Variants in AGAP1 observed in about 807,000 individuals in gnomAD.
AGAP1 encodes the protein ArfGAP with GTPase domain, ankyrin repeat and PH domain 1.
A neutral mutation model predicts 105.3 loss-of-function variants in AGAP1; 29 were observed. That is an observed-to-expected ratio of 0.28 (90% CI 0.21 to 0.38). The LOEUF is 0.38. Ranked by LOEUF, AGAP1 falls within the 10% of genes least tolerant of loss-of-function variation. The pLI, the probability that AGAP1 is intolerant of heterozygous loss-of-function variation, is 1.00. For synonymous variants in AGAP1, 509 were observed against 485.9 expected (o/e 1.05, Z -0.63); for missense variants, 998 against 1,165.1 (o/e 0.86, Z 2.09).
At position 235,797,762 on chromosome 2, in the gene AGAP1, C is replaced by T. The variant is rs1957308891; in HGVS notation, c.677C>T (p.Ala226Val). 1.2e-6 allele frequency: 2 copies of T among 1,614,148 alleles called. No homozygotes were observed. The highest frequency in any genetic ancestry group is 1.1e-5 in the South Asian group (1 of 91,072). ...LNVERVFQDV[A>V]QKIVATRKKQ... The stretch of plus-strand genomic sequence containing the variant: ...TTTTTGTCTGTGTGTCCACCAGTTG[C>T]CCAGAAGATTGTTGCCACAAGGAAG... The change falls in exon 7 of 18, where the codon GCC (alanine) becomes GTC (valine). Residue 226 changes from alanine (A) to valine (V), a missense_variant. Physicochemically the swap from Ala to Val is moderately conservative, Grantham distance 64. Transcript: ENST00000304032.
At chr2:235,929,215 C>T (rs752288908) in intron 11 of AGAP1, among the ~76,000 whole-genome samples, 5 of 152,116 alleles carry the variant, frequency 3.3e-5, no homozygotes, top group African/African-American at 1.2e-4. Context: ...ATGGTGGTGA[C>T]TTTCTGGCTG....
At chr2:236,117,770 G>GT (rs1179991336) in intron 16 of AGAP1, among the ~76,000 whole-genome samples, 4 of 152,164 alleles carry the variant, frequency 2.6e-5, no homozygotes, top group Non-Finnish European at 4.4e-5. Context: ...ATCAACAAAC[G>GT]TTTAATACAT....
intron 1 of AGAP1, among the ~76,000 whole-genome samples, chr2:235,697,351 G>T (rs1243119543): frequency 6.6e-6 from 1 of 152,182 alleles, no homozygotes; most frequent in East Asian, 1.9e-4. Context: ...TAGCTGTGTT[G>T]GGTGTACATG....
At position 235,611,393 on chromosome 2, in the gene AGAP1, G is replaced by C. The variant is rs1946119624; in HGVS notation, c.164-97786G>C. Among the ~76,000 whole-genome samples, 1 of 152,234 alleles carries C rather than the reference G, an allele frequency of 6.6e-6. No individual in the cohort carries two copies. Among genetic ancestry groups the C allele is most frequent in the East Asian group, 1.9e-4 (1 of 5,194 alleles). On this transcript the variant is annotated intron_variant, in intron 1 of 17. Coordinates refer to ENST00000304032, the MANE Select transcript of AGAP1 (RefSeq NM_001037131.3). This position sits in a 1 kb window ranked among gnomAD's most constrained non-coding sequence, Gnocchi z 5.0. ...ATTCAAGGTCATGGCCATCCTCAATGCAGCCTTCATATTTTCATAATGAAT... is the reference window on the plus strand; with the variant it reads ...ATTCAAGGTCATGGCCATCCTCAATCCAGCCTTCATATTTTCATAATGAAT...
At position 235,599,584 on chromosome 2, in the gene AGAP1, G is replaced by GAGAACTGCAC. The variant is rs1553577279; in HGVS notation, c.163+104743_163+104744insACAGAACTGC. On this transcript the variant is annotated intron_variant, in intron 1 of 17. Coordinates refer to ENST00000304032, the MANE Select transcript of AGAP1 (RefSeq NM_001037131.3). The surrounding 1 kb of genome is among the most constrained non-coding windows in gnomAD (Gnocchi z 5.3). ...TGTCCAGAATGGTCACTCTGCTTTGGAGAACTGCGGATCCCCTGCCATGGC... is the reference window on the plus strand; with the variant it reads ...TGTCCAGAATGGTCACTCTGCTTTGGAGAACTGCACAGAACTGCGGATCCCCTGCCATGGC... Among the ~76,000 whole-genome samples, 2 of 151,478 alleles carry GAGAACTGCAC rather than the reference G, an allele frequency of 1.3e-5. No homozygotes were observed. The highest frequency in any genetic ancestry group is 1.9e-4 in the East Asian group (1 of 5,148).
Position 235,965,404 on chromosome 2 carries a change from C to T in AGAP1, c.1484-3058C>T, listed in dbSNP as rs1355864787. Among the ~76,000 whole-genome samples, 3 of 152,144 alleles carry T rather than the reference C, an allele frequency of 2.0e-5. No individual in the cohort carries two copies. Among genetic ancestry groups the T allele is most frequent in the Non-Finnish European group, 4.4e-5 (3 of 68,036 alleles). ...AGTCTTACGGGGGCGAAGGAAGGCA[C>T]AGTGAAACAGTGTGCCGTTTTGAAG... On this transcript the variant is annotated intron_variant, in intron 12 of 17. Coordinates refer to ENST00000304032, the MANE Select transcript of AGAP1 (RefSeq NM_001037131.3). The surrounding 1 kb of genome is among the most constrained non-coding windows in gnomAD (Gnocchi z 5.8).
Position 235,655,335 on chromosome 2 carries a change from G to A in AGAP1, c.164-53844G>A, listed in dbSNP as rs977774542. On this transcript the variant is annotated intron_variant, in intron 1 of 17. Transcript: ENST00000304032. This position sits in a 1 kb window ranked among gnomAD's most constrained non-coding sequence, Gnocchi z 4.3. ...TGGTGTGTATTAATAAATTGAGTAG[G>A]TGAAAAAGACAATAGATGGAAAGCT... 6.6e-6 allele frequency among the ~76,000 whole-genome samples: 1 copy of A among 152,120 alleles called. No individual in the cohort carries two copies. Among genetic ancestry groups the A allele is most frequent in the Non-Finnish European group, 1.5e-5 (1 of 68,036 alleles).
rs1381467866 is a variant in AGAP1 at position 235,843,184 on chromosome 2, C to T, written c.1050+35853C>T. Among the ~76,000 whole-genome samples the T allele has an allele frequency of 6.6e-6, 1 of 151,044 alleles. No homozygotes were observed. Among genetic ancestry groups the T allele is most frequent in the East Asian group, 2.0e-4 (1 of 4,992 alleles). ...GTTCATCCCTGCAGGCTCCCTGTAC[C>T]CCCAGCTCCCAGAACCCATCACCAG... On this transcript the variant is annotated intron_variant, in intron 9 of 17. Coordinates refer to ENST00000304032, the MANE Select transcript of AGAP1 (RefSeq NM_001037131.3). This position sits in a 1 kb window ranked among gnomAD's most constrained non-coding sequence, Gnocchi z 5.9.
intron 1 of AGAP1, among the ~76,000 whole-genome samples, chr2:235,702,746 TA>T (rs1423051390): frequency 3.3e-5 from 5 of 152,002 alleles, no homozygotes; most frequent in Admixed American, 1.3e-4. Context: ...CAGCAGCGAG[TA>T]CAAGTAGCAC....
intron 1 of AGAP1, among the ~76,000 whole-genome samples, chr2:235,645,714 G>A (rs781036875): frequency 6.6e-6 from 1 of 152,128 alleles, no homozygotes; most frequent in Non-Finnish European, 1.5e-5. Flanking sequence ...AGACAAGGTC[G>A]GCCTGAGTGT....
chr2:235,512,636 C>A (rs1942198248), intron 1 of AGAP1, among the ~76,000 whole-genome samples: 1 of 152,168 alleles, frequency 6.6e-6, no homozygotes, highest in African/African-American at 2.4e-5. Flanking sequence ...CATGCGCGTC[C>A]TCCCCCATTC....
At chr2:235,649,408 C>T (rs959477005) in intron 1 of AGAP1, among the ~76,000 whole-genome samples, 1 of 152,220 alleles carries the variant, frequency 6.6e-6, no homozygotes, top group African/African-American at 2.4e-5. Flanking sequence ...GATTCTCACT[C>T]TACTGCTCAG....
At chr2:235,895,172 G>C (rs866925051) in intron 10 of AGAP1, among the ~76,000 whole-genome samples, 1 of 152,220 alleles carries the variant, frequency 6.6e-6, no homozygotes, top group African/African-American at 2.4e-5. Context: ...CCTGTAGGCT[G>C]TATGAAGAAT....
At chr2:235,806,761 A>T (rs2150089338) in intron 8 of AGAP1, among the ~76,000 whole-genome samples, 1 of 152,356 alleles carries the variant, frequency 6.6e-6, no homozygotes, top group Admixed American at 6.5e-5. Flanking sequence ...CAGCACCTTG[A>T]TACTAATCAA....
In AGAP1 at chr2:235,622,622, A is replaced by T. The variant is rs1946521014; in HGVS notation, c.164-86557A>T. ...GCTTCAGCCAACGTCGGTTTTGAGA[A>T]TGCGACCTATGAAATTGGGAGCCCT... On this transcript the variant is annotated intron_variant, in intron 1 of 17. Transcript: ENST00000304032. This position sits in a 1 kb window ranked among gnomAD's most constrained non-coding sequence, Gnocchi z 5.0. Among the ~76,000 whole-genome samples the T allele has an allele frequency of 6.6e-6, 1 of 152,132 alleles. No individual in the cohort carries two copies. Among genetic ancestry groups the T allele is most frequent in the South Asian group, 2.1e-4 (1 of 4,816 alleles).
rs189284031 is a variant in AGAP1, at chr2:235,959,513, C to T, written c.1484-8949C>T. Among the ~76,000 whole-genome samples the T allele has an allele frequency of 1.1e-4, 16 of 152,270 alleles. No homozygotes were observed. The East Asian group carries it at 2.9e-3, about 28-fold the overall frequency. On this transcript the variant is annotated intron_variant, in intron 12 of 17. Transcript: ENST00000304032. The surrounding 1 kb of genome is among the most constrained non-coding windows in gnomAD (Gnocchi z 7.3). Reference sequence around the variant, plus strand: ...GCGCCCAGTGGACGGGAACCCGGTCCTTCTTGCCATGAGAACACCCAGCCC... The same window carrying T: ...GCGCCCAGTGGACGGGAACCCGGTCTTTCTTGCCATGAGAACACCCAGCCC...
chr2:235,773,884 G>C (rs745873285), intron 6 of AGAP1: 2 of 451,856 alleles, frequency 4.4e-6, no homozygotes, highest in Admixed American at 2.7e-5. Context: ...TTATTGAAGA[G>C]ACTTTTTTCT....
chr2:235,812,283 T>G (rs1001782320), intron 9 of AGAP1, among the ~76,000 whole-genome samples: 5 of 152,234 alleles, frequency 3.3e-5, no homozygotes, highest in Non-Finnish European at 5.9e-5. Flanking sequence ...GGGAAAAGCC[T>G]TCCCAAGCTG....
intron 6 of AGAP1, among the ~76,000 whole-genome samples, chr2:235,758,562 G>T (rs1954131527): frequency 6.6e-6 from 1 of 152,074 alleles, no homozygotes; most frequent in Admixed American, 6.6e-5. Flanking sequence ...AGACTTCCTG[G>T]GACAGATGGG....
Sources: gnomAD v4.1 joint callset for allele counts (sites outside exome capture counted in the v4.1 genomes callset) on GRCh38, gnomAD v4.1.1 for gene constraint, Gnocchi (gnomAD v3.1) non-coding constraint, MANE v1.5 for transcripts, NCBI Gene and HGNC (gene_info 2026-07-23, HGNC 2026-07-21) for gene names.